NTM: variants seen among roughly 807,000 people sequenced by gnomAD.
NTM encodes IgLON family member 2.
NTM carries 13 observed loss-of-function variants against 42.1 expected under a neutral mutation model. That is an observed-to-expected ratio of 0.31 (90% CI 0.20 to 0.49). The LOEUF (loss-of-function observed/expected upper bound fraction) is 0.49, where lower values mean the gene tolerates loss of function less well. NTM is among the 20% of genes least tolerant of loss of function. NTM has a pLI of 0.99. For missense variants in NTM, 373 were observed against 452.8 expected, an observed-to-expected ratio of 0.82 and a Z score of 1.60; for synonymous variants, 187 against 179.2, an observed-to-expected ratio of 1.04 and a Z score of -0.35.
intron 4 of NTM, among the ~76,000 whole-genome samples, chr11:132,240,066 C>T (rs1255450641): frequency 3.2e-5 from 3 of 92,522 alleles, no homozygotes; most frequent in East Asian, 2.2e-4. Context: ...TCCCTCCATC[C>T]GTCCATCCAT....
chr11:132,087,115 A>C (rs1388130031), intron 2 of NTM, among the ~76,000 whole-genome samples: 1 of 152,058 alleles, frequency 6.6e-6, no homozygotes, highest in Admixed American at 6.5e-5. Flanking sequence ...GTGAGGGAGA[A>C]AAGAAAAAAA....
chr11:131,987,544 G>C (rs1241982686), intron 2 of NTM, among the ~76,000 whole-genome samples: 10 of 152,050 alleles, frequency 6.6e-5, no homozygotes, highest in Admixed American at 6.6e-4. Flanking sequence ...TTGCTTTTAG[G>C]CACATTACCT....
intron 3 of NTM, among the ~76,000 whole-genome samples, chr11:132,185,802 G>A (rs1205345922): frequency 6.6e-6 from 1 of 152,202 alleles, no homozygotes; most frequent in African/African-American, 2.4e-5. Context: ...GGATGGAGTA[G>A]GAAGGGGGCT....
At chr11:132,099,768 G>A (rs1210601487) in intron 2 of NTM, among the ~76,000 whole-genome samples, 1 of 152,172 alleles carries the variant, frequency 6.6e-6, no homozygotes, top group Admixed American at 6.5e-5. Flanking sequence ...AATACAAAAT[G>A]TACCCTTTGA....
chr11:132,016,070 C>T (rs1359207737), intron 2 of NTM, among the ~76,000 whole-genome samples: 19 of 150,242 alleles, frequency 1.3e-4, no homozygotes, highest in East Asian at 3.9e-4. Context: ...ATATGGTCTT[C>T]GCTGTGTTTC....
At chr11:132,110,927 A>G (rs117300636) in intron 2 of NTM, among the ~76,000 whole-genome samples, 3,740 of 151,464 alleles carry the variant, frequency 0.025, 65 homozygotes, top group Middle Eastern at 0.11. Context: ...AATAAAAGGC[A>G]TGGTGATGTG....
Position 131,564,804 on chromosome 11 carries a change from G to A in NTM, c.82+193916G>A, listed in dbSNP as rs115607113. Among the ~76,000 whole-genome samples, 481 of 152,202 alleles carry A rather than the reference G, an allele frequency of 3.2e-3. 2 individuals are homozygous for A. Among genetic ancestry groups the A allele is most frequent in the African/African-American group, 0.01 (432 of 41,526 alleles). ...GAGCCTTCTTCAGACGTTGCTCCCT[G>A]CAAGAATATTCTTACAACACACATG... On this transcript the variant is annotated intron_variant, in intron 1 of 8. Transcript: ENST00000683400.
intron 1 of NTM, among the ~76,000 whole-genome samples, chr11:131,404,492 C>T (rs1243038615): frequency 1.3e-5 from 2 of 152,152 alleles, no homozygotes; most frequent in African/African-American, 4.8e-5. Context: ...CTTCCTCTGT[C>T]GATCCACTTC....
chr11:131,403,890 A>G (rs1945517840), intron 1 of NTM, among the ~76,000 whole-genome samples: 1 of 152,142 alleles, frequency 6.6e-6, no homozygotes, highest in Non-Finnish European at 1.5e-5. Flanking sequence ...CTCATTTTAG[A>G]GTTCAACATC....
At chr11:131,788,665 C>T in intron 1 of NTM, among the ~76,000 whole-genome samples, 1 of 152,184 alleles carries the variant, frequency 6.6e-6, no homozygotes, top group East Asian at 1.9e-4. Flanking sequence ...CCTATCCTCC[C>T]TCATTAGATG....
At chr11:131,421,277 A>AT (rs948502668) in intron 1 of NTM, among the ~76,000 whole-genome samples, 63 of 152,132 alleles carry the variant, frequency 4.1e-4, no homozygotes, top group African/African-American at 1.4e-3. Flanking sequence ...CTTGGCTAAT[A>AT]TTTTTTCTGT....
intron 2 of NTM, among the ~76,000 whole-genome samples, chr11:131,955,945 G>T (rs1009710796): frequency 1.3e-5 from 2 of 152,210 alleles, no homozygotes; most frequent in African/African-American, 4.8e-5. Flanking sequence ...CTCCATCCTT[G>T]TCTTGCTGAA....
chr11:132,154,555 G>A (rs549484906), intron 3 of NTM, among the ~76,000 whole-genome samples: 14 of 152,292 alleles, frequency 9.2e-5, no homozygotes, highest in African/African-American at 3.1e-4. Context: ...CAAATAGAGG[G>A]TGTGGTACTG....
chr11:132,263,876 G>A (rs997144834), intron 4 of NTM, among the ~76,000 whole-genome samples: 3 of 152,072 alleles, frequency 2.0e-5, no homozygotes, highest in Non-Finnish European at 2.9e-5. Flanking sequence ...TCGTCAGAAC[G>A]GCTTTTACCA....
intron 1 of NTM, among the ~76,000 whole-genome samples, chr11:131,677,538 A>G (rs532662653): frequency 9.7e-4 from 148 of 152,328 alleles, no homozygotes; most frequent in Non-Finnish European, 1.7e-3. Flanking sequence ...GCAGCCATAC[A>G]TGACCCTGAG....
At chr11:132,320,600 G>C (rs1415350918) in intron 7 of NTM, among the ~76,000 whole-genome samples, 3 of 152,184 alleles carry the variant, frequency 2.0e-5, no homozygotes, top group Non-Finnish European at 2.9e-5. Context: ...GGCTGGGGGA[G>C]GGGTGCCCGC....
chr11:132,180,807 C>T (rs1016884206), intron 3 of NTM, among the ~76,000 whole-genome samples: 4 of 152,050 alleles, frequency 2.6e-5, no homozygotes, highest in African/African-American at 9.7e-5. Context: ...AACTAAAACC[C>T]GGTGAGGCTC....
At chr11:132,325,372 T>C (rs2095657358) in intron 7 of NTM, among the ~76,000 whole-genome samples, 1 of 152,182 alleles carries the variant, frequency 6.6e-6, no homozygotes, top group Non-Finnish European at 1.5e-5. Context: ...GAACAGACAC[T>C]TCTCAAAAGA....
rs916073471 is a variant in NTM, at chr11:131,509,994, G to A, written c.82+139106G>A. On this transcript the variant is annotated intron_variant, in intron 1 of 8. Coordinates refer to ENST00000683400, the MANE Select transcript of NTM (RefSeq NM_001352005.2). ...AAGGCTTTCTGAAGGAGGTGATCTC[G>A]GGGGTGGGCCAGAGGCCAGTTTCCC... Among the ~76,000 whole-genome samples, 8 of 152,172 alleles carry A rather than the reference G, an allele frequency of 5.3e-5. No individual in the cohort carries two copies. The East Asian group carries it at 9.6e-4, about 18-fold the overall frequency.
Sources: gnomAD v4.1 joint callset for allele counts (sites outside exome capture counted in the v4.1 genomes callset) on GRCh38, gnomAD v4.1.1 for gene constraint, MANE v1.5 for transcripts, NCBI Gene and HGNC (gene_info 2026-07-23, HGNC 2026-07-21) for gene names.